DCP1A: variants seen among roughly 807,000 people sequenced by gnomAD.
The protein encoded by DCP1A is decapping mRNA 1A.
Under a neutral mutation model 58.0 loss-of-function variants are expected in DCP1A, and 20 were observed. That is an observed-to-expected ratio of 0.34 (90% CI 0.24 to 0.50). DCP1A has a LOEUF of 0.50. Among genes scored for constraint, DCP1A ranks in the 20% least tolerant of loss-of-function variants. DCP1A has a pLI of 0.98. For synonymous variants in DCP1A, 285 were observed against 275.1 expected (o/e 1.04, Z -0.36); for missense variants, 613 against 712.2 (o/e 0.86, Z 1.59).
At chr3:53,304,579 ATT>A (rs1707411603) in intron 5 of DCP1A, among the ~76,000 whole-genome samples, 1 of 151,892 alleles carries the variant, frequency 6.6e-6, no homozygotes, top group Admixed American at 6.6e-5. Context: ...AATCTTATTT[ATT>A]TGTTTTTCCA....
intron 6 of DCP1A, among the ~76,000 whole-genome samples, chr3:53,302,258 T>G (rs781922213): frequency 6.6e-6 from 1 of 152,238 alleles, no homozygotes; most frequent in African/African-American, 2.4e-5. Context: ...GCATTATTTC[T>G]TACAACTGCA....
chr3:53,313,337 T>C (rs970588307), intron 4 of DCP1A, among the ~76,000 whole-genome samples: 8 of 151,872 alleles, frequency 5.3e-5, no homozygotes, highest in Non-Finnish European at 1.2e-4. Context: ...GAGGACTGCT[T>C]GAGTCTGGGA....
chr3:53,296,739 T>A (rs948360458), intron 6 of DCP1A, among the ~76,000 whole-genome samples: 6 of 152,260 alleles, frequency 3.9e-5, no homozygotes, highest in African/African-American at 7.2e-5. Context: ...AATGTTCCAA[T>A]GCATGTATAT....
rs1361700339 is a variant in DCP1A, at chr3:53,308,218, A to G, written c.511-3928T>C. Among the ~76,000 whole-genome samples the G allele has an allele frequency of 2.6e-5, 4 of 152,014 alleles. No homozygotes were observed. The East Asian group carries it at 7.7e-4, about 29-fold the overall frequency. ...GTTCTCTGTAAGCTGTTTTAAAAAA[A>G]GAAAAAACTTTTCTATAGTTTATAC... On this transcript the variant is annotated intron_variant, in intron 5 of 9. Transcript: ENST00000610213.
At chr3:53,337,243 A>G (rs2106889017) in intron 3 of DCP1A, among the ~76,000 whole-genome samples, 1 of 152,274 alleles carries the variant, frequency 6.6e-6, no homozygotes. Flanking sequence ...CCCCTACAAC[A>G]TTTGAAAATA....
chr3:53,334,823 G>A (rs73843122), intron 3 of DCP1A, among the ~76,000 whole-genome samples: 2,936 of 152,228 alleles, frequency 0.019, 96 homozygotes, highest in African/African-American at 0.067. Context: ...TGCTGTGGGA[G>A]CTCCTACAGC....
At chr3:53,331,693 G>C (rs372330674) in intron 3 of DCP1A, among the ~76,000 whole-genome samples, 1 of 152,042 alleles carries the variant, frequency 6.6e-6, no homozygotes, top group African/African-American at 2.4e-5. Flanking sequence ...TTCACATGCC[G>C]GGTTTAGATT....
At chr3:53,296,711 T>A (rs1164967799) in intron 6 of DCP1A, among the ~76,000 whole-genome samples, 1 of 152,274 alleles carries the variant, frequency 6.6e-6, no homozygotes, top group Non-Finnish European at 1.5e-5. Flanking sequence ...AGAACTTCAC[T>A]TATTTTTATG....
chr3:53,339,511 C>T (rs2089169493), intron 3 of DCP1A, among the ~76,000 whole-genome samples: 1 of 152,144 alleles, frequency 6.6e-6, no homozygotes, highest in South Asian at 2.1e-4. Context: ...TTAATGCCGA[C>T]CCCAGGTTAT....
chr3:53,324,924 C>T (rs1708068181), intron 3 of DCP1A, among the ~76,000 whole-genome samples: 1 of 151,646 alleles, frequency 6.6e-6, no homozygotes, highest in Non-Finnish European at 1.5e-5. Flanking sequence ...CATTTCATTG[C>T]CTTCCACAAA....
At chr3:53,297,867 A>G (rs1389135196) in intron 6 of DCP1A, among the ~76,000 whole-genome samples, 3 of 152,224 alleles carry the variant, frequency 2.0e-5, no homozygotes, top group African/African-American at 7.2e-5. Flanking sequence ...CTGAGGCATA[A>G]TCCAGACAGC....
chr3:53,312,170 A>G (rs782588571), intron 5 of DCP1A, 71 bp downstream of exon 5: 60 of 1,467,016 alleles, frequency 4.1e-5, no homozygotes, highest in Non-Finnish European at 5.1e-5. Flanking sequence ...CTAGTAAAAT[A>G]GTCTCCTGCA....
chr3:53,330,921 C>T (rs1054245154), intron 3 of DCP1A, among the ~76,000 whole-genome samples: 6 of 137,810 alleles, frequency 4.4e-5, no homozygotes, highest in Admixed American at 8.1e-5. Flanking sequence ...TGCAATGGTG[C>T]GATCTTGGCT....
intron 4 of DCP1A, 32 bp from the exon 5 acceptor site, chr3:53,312,411 C>G: frequency 1.3e-6 from 2 of 1,521,370 alleles, no homozygotes; most frequent in Non-Finnish European, 8.8e-7. Flanking sequence ...TTAGAAAGGC[C>G]TCTTGAAACA....
chr3:53,319,421 T>A lies in DCP1A; in HGVS notation c.357A>T (p.Ala119=), dbSNP rs782770087. 1.6e-5 allele frequency: 25 copies of A among 1,558,126 alleles called. No individual in the cohort carries two copies. The highest frequency in any genetic ancestry group is 2.2e-5 in the Non-Finnish European group (25 of 1,147,922). The change falls in exon 4 of 10, where the codon GCA becomes GCT. Residue 119 remains alanine, a synonymous_variant. Coordinates refer to ENST00000610213, the MANE Select transcript of DCP1A (RefSeq NM_018403.7). ...FYDKNDCHRI[A]KLMADVVEEE... ...AATATACTTACTCAGCCATGAGTTTTGCTATGCGGTGACAGTCATTCTTGT... is the reference window on the plus strand; with the variant it reads ...AATATACTTACTCAGCCATGAGTTTAGCTATGCGGTGACAGTCATTCTTGT...
At chr3:53,330,814 C>CATAT (rs1177162920) in intron 3 of DCP1A, among the ~76,000 whole-genome samples, 1 of 108,908 alleles carries the variant, frequency 9.2e-6, no homozygotes, top group South Asian at 3.1e-4. Context: ...AATATATACA[C>CATAT]ATATATATAT....
rs199549529 is a variant in DCP1A, at chr3:53,291,838, C to A, written c.1383+231G>T. On this transcript the variant is annotated intron_variant, in intron 7 of 9. Coordinates refer to ENST00000610213, the MANE Select transcript of DCP1A (RefSeq NM_018403.7). ...GACTCCTGGAACTGCTGGGCAAAAG[C>A]AAAACAAACATACAACCCCCACTAA... 1.3e-4 allele frequency among the ~76,000 whole-genome samples: 20 copies of A among 152,162 alleles called. No homozygotes were observed. The East Asian group carries it at 3.9e-3, about 29-fold the overall frequency.
rs997414676 is a variant in DCP1A at position 53,324,866 on chromosome 3, T to A, written c.305-5393A>T. 4.6e-5 allele frequency among the ~76,000 whole-genome samples: 7 copies of A among 151,766 alleles called. No homozygotes were observed. The East Asian group carries it at 9.7e-4, about 21-fold the overall frequency. ...TGGGACCTTGTTTATTTTTTAAAAATTTGTTAACTAAAAAAAAAAAAGAAA... is the reference window on the plus strand; with the variant it reads ...TGGGACCTTGTTTATTTTTTAAAAAATTGTTAACTAAAAAAAAAAAAGAAA... On this transcript the variant is annotated intron_variant, in intron 3 of 9. Transcript: ENST00000610213.
chr3:53,327,354 A>G (rs782327815), intron 3 of DCP1A, among the ~76,000 whole-genome samples: 30 of 152,244 alleles, frequency 2.0e-4, no homozygotes, highest in Non-Finnish European at 3.1e-4. Context: ...TGACTGCAGT[A>G]CTTGCAGGAA....
Sources: allele counts gnomAD v4.1 joint callset (sites outside exome capture counted in the v4.1 genomes callset), GRCh38; gene constraint gnomAD v4.1.1; transcripts MANE v1.5; gene names NCBI Gene and HGNC (gene_info 2026-07-23, HGNC 2026-07-21).